Variants in RGS6 observed in about 807,000 individuals in gnomAD.
RGS6 encodes regulator of G-protein signaling 6.
A neutral mutation model predicts 78.5 loss-of-function variants in RGS6; 30 were observed. The observed-to-expected ratio is 0.38, with a 90% confidence interval of 0.29 to 0.52. RGS6 has a LOEUF of 0.52. RGS6 is among the 20% of genes least tolerant of loss of function. The pLI, the probability that RGS6 is intolerant of heterozygous loss-of-function variation, is 0.85. For missense variants in RGS6, 495 were observed against 609.7 expected (o/e 0.81, Z 1.98); for synonymous variants, 206 against 206.0 (o/e 1.00, Z 0.00).
At chr14:72,272,871 T>C (rs925629012) in intron 2 of RGS6, among the ~76,000 whole-genome samples, 1 of 152,174 alleles carries the variant, frequency 6.6e-6, no homozygotes, top group African/African-American at 2.4e-5. Context: ...TCCCAACACT[T>C]AGGGAGGCCA....
intron 3 of RGS6, among the ~76,000 whole-genome samples, chr14:72,383,679 C>G (rs1032017379): frequency 6.6e-6 from 1 of 152,124 alleles, no homozygotes; most frequent in African/African-American, 2.4e-5. Context: ...ATCTTCAGTA[C>G]TAATTTCTCT....
At chr14:72,278,493 C>A (rs974385022) in intron 2 of RGS6, among the ~76,000 whole-genome samples, 2 of 152,120 alleles carry the variant, frequency 1.3e-5, no homozygotes, top group Non-Finnish European at 2.9e-5. Context: ...AGACACATGG[C>A]AGTTAAGGCA....
At chr14:72,577,437 T>G in the RGS6 span, among the ~76,000 whole-genome samples, 1 of 152,192 alleles carries the variant, frequency 6.6e-6, no homozygotes, top group Non-Finnish European at 1.5e-5. Flanking sequence ...CATTTACTCT[T>G]TCTCTCCCAC....
chr14:72,353,541 C>G (rs897595809), intron 3 of RGS6, among the ~76,000 whole-genome samples: 12 of 152,156 alleles, frequency 7.9e-5, no homozygotes, highest in African/African-American at 2.7e-4. Context: ...AAGATTAGAT[C>G]AGTGGTTTCC....
intron 2 of RGS6, among the ~76,000 whole-genome samples, chr14:71,993,003 T>A (rs2095033008): frequency 6.6e-6 from 1 of 152,240 alleles, no homozygotes; most frequent in Non-Finnish European, 1.5e-5. Context: ...ACTTCTGTGG[T>A]TTTTAAGTTG....
chr14:72,255,749 T>A (rs1487807409), intron 2 of RGS6, among the ~76,000 whole-genome samples: 1 of 152,242 alleles, frequency 6.6e-6, no homozygotes, highest in East Asian at 1.9e-4. Context: ...ACTTTATATA[T>A]GAAAGAGCAT....
intron 3 of RGS6, among the ~76,000 whole-genome samples, chr14:72,408,304 T>C (rs1424713061): frequency 1.3e-5 from 2 of 152,330 alleles, no homozygotes; most frequent in African/African-American, 4.8e-5. Context: ...TCCAATTGTG[T>C]GTTTTTTGAT....
rs548957539 is a variant in RGS6, at chr14:72,473,235, C to A, written c.618+282C>A. ...GAGGTGGGTGGATCACGAGGTCAGT[C>A]GATCAAGACCATCCTGGCTAACACG... is the stretch of plus-strand genomic sequence containing the variant. On this transcript the variant is annotated intron_variant, in intron 9 of 17. Coordinates refer to ENST00000553525, the MANE Select transcript of RGS6 (RefSeq NM_001204424.2). Among the ~76,000 whole-genome samples the A allele has an allele frequency of 7.9e-5, 12 of 152,254 alleles. 1 individual carries two copies. The highest frequency in any genetic ancestry group is 4.1e-4 in the South Asian group (2 of 4,828).
rs371490125 is a variant in RGS6 at position 72,121,994 on chromosome 14, A to G, written c.84+157119A>G. 3.9e-4 allele frequency among the ~76,000 whole-genome samples: 59 copies of G among 152,236 alleles called. 1 individual carries two copies. In the South Asian group the frequency reaches 8.1e-3, roughly 21 times the overall value. On this transcript the variant is annotated intron_variant, in intron 2 of 17. Coordinates refer to ENST00000553525, the MANE Select transcript of RGS6 (RefSeq NM_001204424.2). Reference sequence around the variant, plus strand: ...TGGATAGGGGCCAGGGATATTGCTTATCTTCCTACAGTGTACAAGACAGTT... The same window carrying G: ...TGGATAGGGGCCAGGGATATTGCTTGTCTTCCTACAGTGTACAAGACAGTT...
At chr14:72,285,161 T>C (rs769860349) in intron 2 of RGS6, among the ~76,000 whole-genome samples, 2 of 152,212 alleles carry the variant, frequency 1.3e-5, no homozygotes, top group African/African-American at 4.8e-5. Context: ...TGAAATGAGT[T>C]AAGACTTTGG....
At chr14:72,101,032 A>G (rs2095517684) in intron 2 of RGS6, among the ~76,000 whole-genome samples, 1 of 152,124 alleles carries the variant, frequency 6.6e-6, no homozygotes. Context: ...AGTGGCATGC[A>G]TCTGTAATCC....
chr14:72,161,802 G>A (rs954786968), intron 2 of RGS6, among the ~76,000 whole-genome samples: 2 of 152,218 alleles, frequency 1.3e-5, no homozygotes, highest in Admixed American at 1.3e-4. Context: ...ATCAACTAGA[G>A]TGCTGGATAA....
chr14:72,341,697 G>T (rs755568574), intron 2 of RGS6, among the ~76,000 whole-genome samples: 4 of 152,200 alleles, frequency 2.6e-5, no homozygotes, highest in Non-Finnish European at 5.9e-5. Context: ...CCATAGTAGG[G>T]AATTTGGCAT....
At chr14:72,188,784 T>C (rs1349834651) in intron 2 of RGS6, among the ~76,000 whole-genome samples, 1 of 152,146 alleles carries the variant, frequency 6.6e-6, no homozygotes, top group Non-Finnish European at 1.5e-5. Context: ...TCTTCAAGCA[T>C]AGGGATGACT....
intron 3 of RGS6, among the ~76,000 whole-genome samples, chr14:72,387,481 A>G (rs948448576): frequency 2.0e-5 from 3 of 152,096 alleles, no homozygotes; most frequent in South Asian, 2.1e-4. Context: ...CCCAGGAGGC[A>G]GAGCTTGCAG....
chr14:72,084,218 C>T (rs1250343632), intron 2 of RGS6, among the ~76,000 whole-genome samples: 1 of 152,178 alleles, frequency 6.6e-6, no homozygotes, highest in East Asian at 1.9e-4. Flanking sequence ...AGTGGGCAAC[C>T]TAGATCCCTT....
chr14:72,582,830 T>C, the RGS6 span, among the ~76,000 whole-genome samples: 1 of 152,142 alleles, frequency 6.6e-6, no homozygotes, highest in Non-Finnish European at 1.5e-5. Flanking sequence ...TGATTGATTT[T>C]AGGTGTCAAC....
intron 2 of RGS6, among the ~76,000 whole-genome samples, chr14:72,344,745 G>T (rs1423085074): frequency 9.9e-5 from 15 of 152,180 alleles, no homozygotes. Context: ...AAAAGATAGA[G>T]GGTTTAATAA....
At chr14:71,875,658 G>A in the RGS6 span, among the ~76,000 whole-genome samples, 1 of 152,044 alleles carries the variant, frequency 6.6e-6, no homozygotes, top group African/African-American at 2.4e-5. Context: ...GTTCTGCTCT[G>A]ATCTTAGTTA....
Sources: allele counts gnomAD v4.1 joint callset (sites outside exome capture counted in the v4.1 genomes callset), GRCh38; gene constraint gnomAD v4.1.1; transcripts MANE v1.5; gene names NCBI Gene and HGNC (gene_info 2026-07-23, HGNC 2026-07-21).